XPR1: variants seen among roughly 807,000 people sequenced by gnomAD.
XPR1 encodes solute carrier family 53 member 1.
In XPR1, 28 loss-of-function variants were observed where a neutral mutation model predicts 87.5. The ratio of observed to expected loss-of-function variants is 0.32; its 90% CI spans 0.24 to 0.44. XPR1 has a LOEUF of 0.44. XPR1 is among the 20% of genes least tolerant of loss of function. The pLI, the probability that XPR1 is intolerant of heterozygous loss-of-function variation, is 1.00. For missense variants in XPR1, 559 were observed against 862.3 expected, an observed-to-expected ratio of 0.65 and a Z score of 4.41; for synonymous variants, 300 against 306.1, an observed-to-expected ratio of 0.98 and a Z score of 0.21.
intron 2 of XPR1, among the ~76,000 whole-genome samples, chr1:180,705,188 G>C (rs1244350959): frequency 6.6e-6 from 1 of 152,004 alleles, no homozygotes; most frequent in African/African-American, 2.4e-5. Flanking sequence ...GGATCTACCT[G>C]TATTGATTAA....
intron 11 of XPR1, among the ~76,000 whole-genome samples, chr1:180,843,177 G>A (rs1208588851): frequency 6.6e-6 from 1 of 152,040 alleles, no homozygotes; most frequent in African/African-American, 2.4e-5. Flanking sequence ...TGTCTACCCT[G>A]AGTAATAGAC....
rs71297873 is a variant in XPR1, at chr1:180,748,400, C to CTTTTTTTTTTTTTTTTTTTTTTTTTTTTT, written c.122-39346_122-39318dup. ...TGCTACTCTGTGTTATTATTTATGT[C>CTTTTTTTTTTTTTTTTTTTTTTTTTTTTT]TTTTTTTTTTTTTTTTTTTTTTTTT... is the stretch of plus-strand genomic sequence containing the variant. On this transcript the variant is annotated intron_variant, in intron 2 of 14. Coordinates refer to ENST00000367590, the MANE Select transcript of XPR1 (RefSeq NM_004736.4). Among the ~76,000 whole-genome samples, 20 of 29,680 alleles carry CTTTTTTTTTTTTTTTTTTTTTTTTTTTTT rather than the reference C, an allele frequency of 6.7e-4. 6 individuals are homozygous for CTTTTTTTTTTTTTTTTTTTTTTTTTTTTT. The highest frequency in any genetic ancestry group is 1.1e-3 in the Admixed American group (2 of 1,898). The allele number at this position is 29,680 out of a possible 152,430, so 19.5% of individuals were successfully genotyped here.
chr1:180,693,419 A>G (rs1259992590), intron 2 of XPR1, among the ~76,000 whole-genome samples: 1 of 152,244 alleles, frequency 6.6e-6, no homozygotes, highest in Non-Finnish European at 1.5e-5. Context: ...GAGATACTCT[A>G]AAAATCATTT....
At chr1:180,699,180 T>C (rs1318101320) in intron 2 of XPR1, among the ~76,000 whole-genome samples, 7 of 151,422 alleles carry the variant, frequency 4.6e-5, no homozygotes, top group Admixed American at 3.9e-4. Flanking sequence ...ATATGTCACA[T>C]AGGCTTTCTT....
At chr1:180,655,398 C>T (rs756475484) in intron 1 of XPR1, among the ~76,000 whole-genome samples, 1 of 142,758 alleles carries the variant, frequency 7.0e-6, no homozygotes, top group African/African-American at 2.7e-5. Context: ...CTCTCTCTCT[C>T]TCTTTTTTTT....
intron 2 of XPR1, among the ~76,000 whole-genome samples, chr1:180,741,572 G>A (rs1043445973): frequency 6.6e-5 from 10 of 151,848 alleles, no homozygotes; most frequent in Non-Finnish European, 4.4e-5. Flanking sequence ...TGCAACCTCC[G>A]CCTCCTGGGT....
intron 7 of XPR1, among the ~76,000 whole-genome samples, chr1:180,823,664 C>T (rs1015231846): frequency 1.3e-5 from 2 of 152,142 alleles, no homozygotes; most frequent in South Asian, 4.1e-4. Flanking sequence ...ATTATAATTA[C>T]TGGCGAGCCA....
chr1:180,776,937 G>A (rs1190552374), intron 2 of XPR1, among the ~76,000 whole-genome samples: 3 of 152,080 alleles, frequency 2.0e-5, no homozygotes, highest in African/African-American at 7.2e-5. Context: ...CCTTAAGATA[G>A]ACTCAGATCA....
intron 11 of XPR1, among the ~76,000 whole-genome samples, chr1:180,859,024 A>G (rs1652130272): frequency 2.6e-3 from 1 of 380 alleles, no homozygotes; most frequent in Admixed American, 0.042. Context: ...GGCTTTGAAA[A>G]CTAGGTCCAG....
At chr1:180,787,887 C>CG in intron 3 of XPR1, 33 bp downstream of exon 3, 1 of 1,448,046 alleles carries the variant, frequency 6.9e-7, no homozygotes, top group Admixed American at 1.9e-5. Context: ...TTTTTGCTGC[C>CG]GGGGAAGGAT....
At chr1:180,732,825 G>T (rs1658602324) in intron 2 of XPR1, among the ~76,000 whole-genome samples, 1 of 152,194 alleles carries the variant, frequency 6.6e-6, no homozygotes, top group Admixed American at 6.5e-5. Context: ...TCTTACCTTG[G>T]TGTACAGGAA....
At chr1:180,652,262 A>C (rs114682727) in intron 1 of XPR1, among the ~76,000 whole-genome samples, 2,394 of 152,238 alleles carry the variant, frequency 0.016, 73 homozygotes, top group African/African-American at 0.055. Context: ...ATTGCACTCC[A>C]GCCTAGGAGA....
intron 2 of XPR1, among the ~76,000 whole-genome samples, chr1:180,712,064 A>G (rs1657818346): frequency 6.6e-6 from 1 of 151,448 alleles, no homozygotes; most frequent in African/African-American, 2.5e-5. Flanking sequence ...GATGGTACCA[A>G]ATTATATATA....
intron 3 of XPR1, among the ~76,000 whole-genome samples, chr1:180,788,083 C>T (rs955033531): frequency 6.6e-6 from 1 of 152,074 alleles, no homozygotes; most frequent in East Asian, 1.9e-4. Flanking sequence ...ATTGGGACTT[C>T]GTTGAGAGGC....
Position 180,835,053 on chromosome 1 carries a change from A to G in XPR1, c.1306+8A>G, listed in dbSNP as rs191427425. ...TGCCAAATAATTCAGAAGGTAGGGTATGAATTTGCATCTATACTACTAAAT... is the reference window on the plus strand; with the variant it reads ...TGCCAAATAATTCAGAAGGTAGGGTGTGAATTTGCATCTATACTACTAAAT... On this transcript the variant is annotated splice_region_variant and intron_variant, in intron 10 of 14. Coordinates refer to ENST00000367590, the MANE Select transcript of XPR1 (RefSeq NM_004736.4). 6.4e-4 allele frequency: 1,036 copies of G among 1,613,366 alleles called. 8 individuals are homozygous for G. In the African/African-American group the frequency reaches 0.013, roughly 20 times the overall value.
chr1:180,830,064 G>A (rs74831026), intron 9 of XPR1, among the ~76,000 whole-genome samples: 1 of 152,188 alleles, frequency 6.6e-6, no homozygotes, highest in Non-Finnish European at 1.5e-5. Context: ...GATGGATTTA[G>A]ACTTCCTGAT....
Position 180,632,046 on chromosome 1 carries a change from G to T in XPR1, c.-156G>T. ...TATGGAGAGGAGGAGGAAGATGGCG[G>T]GCGGGCTGCTCTGAAGAGACCTCGG... is the stretch of plus-strand genomic sequence containing the variant. On this transcript the variant is annotated 5_prime_UTR_variant, in exon 1 of 15. Coordinates refer to ENST00000367590, the MANE Select transcript of XPR1 (RefSeq NM_004736.4). 1.3e-6 allele frequency: 1 copy of T among 790,356 alleles called. No homozygotes were observed. The highest frequency in any genetic ancestry group is 2.1e-6 in the Non-Finnish European group (1 of 466,836). The allele number at this position is 790,356 out of a possible 1,614,324, so 49.0% of individuals were successfully genotyped here.
chr1:180,669,837 A>G (rs60694734), intron 1 of XPR1, among the ~76,000 whole-genome samples: 1,792 of 152,222 alleles, frequency 0.012, 37 homozygotes, highest in African/African-American at 0.04. Context: ...ATAATAACTA[A>G]TAATAATATA....
rs1387013534 is a variant in XPR1, at chr1:180,887,687, G to C, written c.*3621G>C. 3.3e-5 allele frequency: 5 copies of C among 152,188 alleles called. No individual in the cohort carries two copies. The highest frequency in any genetic ancestry group is 9.7e-5 in the African/African-American group (4 of 41,440). The allele number at this position is 152,188 out of a possible 1,614,324, so 9.4% of individuals were successfully genotyped here. ...GTGTGGGAGAACACCATTCACCTCA[G>C]TAGTAACTTATAAAAACCGTTTAAA... On this transcript the variant is annotated 3_prime_UTR_variant, in exon 15 of 15. Coordinates refer to ENST00000367590, the MANE Select transcript of XPR1 (RefSeq NM_004736.4).
Sources: gnomAD v4.1 joint callset for allele counts (sites outside exome capture counted in the v4.1 genomes callset) on GRCh38, gnomAD v4.1.1 for gene constraint, MANE v1.5 for transcripts, NCBI Gene and HGNC (gene_info 2026-07-23, HGNC 2026-07-21) for gene names.